SYPL2: variants seen among roughly 807,000 people sequenced by gnomAD.
SYPL2 encodes synaptophysin like 2, also known as synaptophysin-like protein 2.
A neutral mutation model predicts 31.3 loss-of-function variants in SYPL2; 24 were observed. That is an observed-to-expected ratio of 0.77 (90% CI 0.56 to 1.08). The LOEUF is 1.08. Ranked by LOEUF, SYPL2 falls within the 50% of genes least tolerant of loss-of-function variation. SYPL2 has a pLI of 0.00. For synonymous variants in SYPL2, 144 were observed against 143.1 expected (o/e 1.01, Z -0.05); for missense variants, 342 against 360.1 (o/e 0.95, Z 0.41).
At chr1:109,469,175 T>C (rs1243921674) in intron 2 of SYPL2, among the ~76,000 whole-genome samples, 3 of 152,222 alleles carry the variant, frequency 2.0e-5, no homozygotes, top group Non-Finnish European at 2.9e-5. Flanking sequence ...CATTTGAGTT[T>C]TTCACTCATT....
chr1:109,481,351 T>C lies in SYPL2; in HGVS notation c.*1803T>C, dbSNP rs1656155091. ...AACTCTCTGTCATGAGCTGTCCCCA[T>C]GGTTACTCAAGGACAAGGGGGGACA... is the stretch of plus-strand genomic sequence containing the variant. On this transcript the variant is annotated 3_prime_UTR_variant, in exon 6 of 6. Transcript: ENST00000369872. The C allele has an allele frequency of 1.3e-5, 2 of 152,576 alleles. No individual in the cohort carries two copies. Among genetic ancestry groups the C allele is most frequent in the Non-Finnish European group, 2.9e-5 (2 of 68,028 alleles). 9.5% of individuals were successfully genotyped at this position (152,576 alleles called of 1,614,324 possible). A position where few individuals can be genotyped will look rare whatever the true frequency, so the allele number is the denominator to read the frequency against.
rs199821906 is a variant in SYPL2, at chr1:109,475,645, G to C, written c.194G>C (p.Arg65Pro). 5 of 1,614,116 alleles carry C rather than the reference G, an allele frequency of 3.1e-6. No individual in the cohort carries two copies. In the South Asian group the frequency reaches 3.3e-5, roughly 11 times the overall value. Reference sequence around the variant, plus strand: ...AGCGGGGAGACAGGAGCAATGGTTCGCTGCAACAACGAAGCCAAGGACGTG... The same window carrying C: ...AGCGGGGAGACAGGAGCAATGGTTCCCTGCAACAACGAAGCCAAGGACGTG... The part of the protein sequence containing the change: ...SYSGETGAMV[R>P]CNNEAKDVSS... Residue 65 changes from arginine to proline, a missense_variant, in exon 3 of 6, where the codon CGC becomes CCC. Transcript: ENST00000369872.
chr1:109,471,248 C>G (rs1212191831), intron 2 of SYPL2, among the ~76,000 whole-genome samples: 1 of 152,130 alleles, frequency 6.6e-6, no homozygotes, highest in Non-Finnish European at 1.5e-5. Flanking sequence ...CTGTGATTCC[C>G]CTCAGATGTT....
chr1:109,472,134 T>C (rs546700665), intron 2 of SYPL2, among the ~76,000 whole-genome samples: 1 of 152,236 alleles, frequency 6.6e-6, no homozygotes, highest in South Asian at 2.1e-4. Flanking sequence ...TTATTCTTTT[T>C]CTTTTTTTGA....
chr1:109,470,260 G>C (rs1438313021), intron 2 of SYPL2, among the ~76,000 whole-genome samples: 1 of 151,212 alleles, frequency 6.6e-6, no homozygotes, highest in Non-Finnish European at 1.5e-5. Flanking sequence ...AAAGTGCTGA[G>C]ATTACAGGCA....
intron 2 of SYPL2, among the ~76,000 whole-genome samples, chr1:109,473,098 A>G (rs1481990871): frequency 2.0e-5 from 3 of 152,182 alleles, no homozygotes; most frequent in Non-Finnish European, 4.4e-5. Context: ...CACAGAACTG[A>G]CAAAAGATTA....
intron 2 of SYPL2, among the ~76,000 whole-genome samples, chr1:109,474,303 TTTTTC>T (rs199978564): frequency 0.012 from 1,689 of 143,630 alleles, 95 homozygotes; most frequent in Middle Eastern, 0.014. Context: ...CTCCTTTTCT[TTTTTC>T]TTTTCTTTTC....
chr1:109,471,541 C>G (rs2101001134), intron 2 of SYPL2, among the ~76,000 whole-genome samples: 1 of 151,800 alleles, frequency 6.6e-6, no homozygotes, highest in East Asian at 1.9e-4. Context: ...TCACATGAGG[C>G]TATTGGGCAC....
chr1:109,481,104 A>T lies in SYPL2; in HGVS notation c.*1556A>T, dbSNP rs143852082. 1 of 152,690 alleles carries T rather than the reference A, an allele frequency of 6.5e-6. No individual in the cohort carries two copies. The highest frequency in any genetic ancestry group is 2.4e-5 in the African/African-American group (1 of 41,528). The allele number at this position is 152,690 out of a possible 1,614,324, so 9.5% of individuals were successfully genotyped here. A position where few individuals can be genotyped will look rare whatever the true frequency, so the allele number is the denominator to read the frequency against. ...CCCTTCAACCTCCTCACCTCTCTAA[A>T]CACCATCCATAGTAACATGTGCATT... On this transcript the variant is annotated 3_prime_UTR_variant, in exon 6 of 6. Coordinates refer to ENST00000369872, the MANE Select transcript of SYPL2 (RefSeq NM_001040709.2).
Position 109,479,586 on chromosome 1 carries a change from C to T in SYPL2, c.*38C>T, listed in dbSNP as rs901041088. The T allele has an allele frequency of 1.3e-6, 2 of 1,593,108 alleles. No individual in the cohort carries two copies. The highest frequency in any genetic ancestry group is 2.7e-5 in the African/African-American group (2 of 74,402). ...CTGGCTATTCCCGAACTGGACAGCA[C>T]CTCTTCAACCACCTCCGGCTTCCAG... On this transcript the variant is annotated 3_prime_UTR_variant, in exon 6 of 6. Coordinates refer to ENST00000369872, the MANE Select transcript of SYPL2 (RefSeq NM_001040709.2).
In SYPL2 at chr1:109,475,688, A is replaced by G; in HGVS notation, c.237A>G (p.Ala79=). The G allele has an allele frequency of 6.2e-7, 1 of 1,614,050 alleles. No individual in the cohort carries two copies. The highest frequency in any genetic ancestry group is 8.5e-7 in the Non-Finnish European group (1 of 1,179,938). The change falls in exon 3 of 6, where the codon GCA becomes GCG. Residue 79 remains alanine, a synonymous_variant. Coordinates refer to ENST00000369872, the MANE Select transcript of SYPL2 (RefSeq NM_001040709.2). The part of the protein sequence containing the change: ...EAKDVSSIIV[A]FGYPFRLHRI... ...AGGACGTGAGCTCCATCATCGTTGC[A>G]TTTGGCTATCCCTTCAGGTGAGCAA...
At chr1:109,475,551 G>C in intron 2 of SYPL2, 30 bp from the exon 3 acceptor site, 1 of 1,606,966 alleles carries the variant, frequency 6.2e-7, no homozygotes, top group Non-Finnish European at 8.5e-7. Flanking sequence ...GAGGCCTTCT[G>C]ACTCTCAAAG....
At chr1:109,473,478 C>T (rs1388763591) in intron 2 of SYPL2, among the ~76,000 whole-genome samples, 1 of 152,194 alleles carries the variant, frequency 6.6e-6, no homozygotes, top group Admixed American at 6.5e-5. Context: ...CTGGACACCT[C>T]GCAGGGGCAA....
Position 109,479,622 on chromosome 1 carries a change from T to TTCC in SYPL2, c.*84_*86dup. 1.3e-6 allele frequency: 2 copies of TTCC among 1,543,724 alleles called. No individual in the cohort carries two copies. Among genetic ancestry groups the TTCC allele is most frequent in the South Asian group, 2.4e-5 (2 of 82,152 alleles). On this transcript the variant is annotated 3_prime_UTR_variant, in exon 6 of 6. Coordinates refer to ENST00000369872, the MANE Select transcript of SYPL2 (RefSeq NM_001040709.2). ...ACCTCCGGCTTCCAGGACCTTTCTC[T>TTCC]TCCTCCTCCTCCAATTCCCCTCCCC...
chr1:109,477,002 A>G, intron 4 of SYPL2, 25 bp downstream of exon 4: 17 of 1,613,482 alleles, frequency 1.1e-5, no homozygotes, highest in Non-Finnish European at 1.4e-5. Flanking sequence ...GCCAGAAGGA[A>G]TGGGGTGGAG....
rs555084985 is a variant in SYPL2, at chr1:109,478,843, C to T, written c.649-535C>T. 1.4e-4 allele frequency among the ~76,000 whole-genome samples: 22 copies of T among 152,336 alleles called. No individual in the cohort carries two copies. The highest frequency in any genetic ancestry group is 4.8e-4 in the African/African-American group (20 of 41,576). ...TTTATTCACTTCTTCATCCATCAAT[C>T]CGTCTTGTTTTTAGTGCATTTCAAA... On this transcript the variant is annotated intron_variant, in intron 5 of 5. Transcript: ENST00000369872. The surrounding 1 kb of genome is among the most constrained non-coding windows in gnomAD (Gnocchi z 4.0).
At chr1:109,469,827 C>CAAAAAAAAAAAAAAAAAAAAA (rs10533137) in intron 2 of SYPL2, among the ~76,000 whole-genome samples, 1 of 79,194 alleles carries the variant, frequency 1.3e-5, no homozygotes, top group South Asian at 4.8e-4. Flanking sequence ...GACCTTGTCT[C>CAAAAAAAAAAAAAAAAAAAAA]AAAAAAAAAA....
chr1:109,471,604 G>A (rs546902274), intron 2 of SYPL2, among the ~76,000 whole-genome samples: 2 of 152,148 alleles, frequency 1.3e-5, no homozygotes, highest in South Asian at 2.1e-4. Flanking sequence ...TAGTAGAGAC[G>A]GCATTTTGCC....
chr1:109,479,440 C>T lies in SYPL2; in HGVS notation c.711C>T (p.Thr237=). The T allele has an allele frequency of 1.2e-6, 2 of 1,614,178 alleles. No individual in the cohort carries two copies. The highest frequency in any genetic ancestry group is 1.7e-6 in the Non-Finnish European group (2 of 1,180,022). Residue 237 remains threonine (T), a synonymous_variant, in exon 6 of 6, where the codon ACC becomes ACT. Coordinates refer to ENST00000369872, the MANE Select transcript of SYPL2 (RefSeq NM_001040709.2). ...ACTGTTGGTTTGTGTTCAAGGAGAC[C>T]CCGTGGCATGGACAGGGCCAGGGCC... The part of the protein sequence containing the change: ...AGNCWFVFKE[T]PWHGQGQGQD...
Sources: allele counts gnomAD v4.1 joint callset (sites outside exome capture counted in the v4.1 genomes callset), GRCh38; gene constraint gnomAD v4.1.1; non-coding constraint Gnocchi (gnomAD v3.1); transcripts MANE v1.5; gene names NCBI Gene and HGNC (gene_info 2026-07-23, HGNC 2026-07-21).